Variants in CHAT observed in about 807,000 individuals in gnomAD.
The protein encoded by CHAT is choline O-acetyltransferase.
Under a neutral mutation model 76.9 loss-of-function variants are expected in CHAT, and 61 were observed. The ratio of observed to expected loss-of-function variants is 0.79; its 90% confidence interval spans 0.65 to 0.98. CHAT has a LOEUF of 0.98. CHAT is among the 50% of genes least tolerant of loss of function. CHAT has a pLI of 0.00. For missense variants in CHAT, 946 were observed against 986.9 expected (o/e 0.96, Z 0.56); for synonymous variants, 407 against 397.4 (o/e 1.02, Z -0.29).
chr10:49,631,965 T>C (rs1839138285), intron 7 of CHAT, among the ~76,000 whole-genome samples: 1 of 137,946 alleles, frequency 7.2e-6, no homozygotes. Context: ...TGATGGTTAT[T>C]GGGGGGGTAA....
At chr10:49,627,529 C>A in intron 6 of CHAT, 79 bp from the exon 7 acceptor site, 1 of 1,452,250 alleles carries the variant, frequency 6.9e-7, no homozygotes, top group South Asian at 1.1e-5. Flanking sequence ...CTGCCCCAAG[C>A]TTACCTGTGA....
intron 2 of CHAT, among the ~76,000 whole-genome samples, chr10:49,618,725 A>G (rs1486555234): frequency 6.6e-6 from 1 of 152,230 alleles, no homozygotes; most frequent in African/African-American, 2.4e-5. Context: ...GAGGCACAGC[A>G]TGCGTATAGA....
chr10:49,631,456 C>T (rs1473566499), intron 7 of CHAT, among the ~76,000 whole-genome samples: 1 of 152,212 alleles, frequency 6.6e-6, no homozygotes, highest in Non-Finnish European at 1.5e-5. Flanking sequence ...TTAAAGGTCC[C>T]ATCTCCAAAT....
intron 10 of CHAT, among the ~76,000 whole-genome samples, chr10:49,649,926 G>A (rs191436757): frequency 1.9e-4 from 26 of 136,946 alleles, no homozygotes; most frequent in African/African-American, 2.6e-4. Context: ...AGTCAAGGCC[G>A]GGAAATCATC....
upstream of CHAT, chr10:49,612,014 A>G: frequency 6.2e-7 from 1 of 1,613,678 alleles, no homozygotes; most frequent in Middle Eastern, 1.6e-4. Context: ...GCCATCGCCG[A>G]CATCTCCTAT....
upstream of CHAT, chr10:49,610,822 C>A (rs1245123688): frequency 1.2e-6 from 2 of 1,605,252 alleles, no homozygotes; most frequent in Non-Finnish European, 8.5e-7. Flanking sequence ...GCTGCAGGAG[C>A]CCCGGCGGCA....
intron 10 of CHAT, among the ~76,000 whole-genome samples, chr10:49,651,053 G>A (rs918749302): frequency 6.6e-6 from 1 of 152,076 alleles, no homozygotes; most frequent in Non-Finnish European, 1.5e-5. Context: ...CATGGATGGG[G>A]AAGAAGGAGG....
At chr10:49,643,209 G>C (rs141245650) in intron 7 of CHAT, among the ~76,000 whole-genome samples, 1 of 152,360 alleles carries the variant, frequency 6.6e-6, no homozygotes, top group Non-Finnish European at 1.5e-5. Context: ...CATAGTAGGT[G>C]CTCAACAAAG....
Position 49,664,982 on chromosome 10 carries a change from C to T in CHAT, c.2183C>T (p.Thr728Ile), listed in dbSNP as rs74334349. ...MRDLCSLLPP[T>I]ESKPLATKEK... ...GACCTCTGCAGTCTGCTGCCGCCTA[C>T]TGAGAGCAAGCCATTGGCAACAAAG... The change falls in exon 15 of 15, where the codon ACT becomes ATT. Residue 728 changes from threonine to isoleucine, a missense_variant. Thr to Ile is a moderately conservative substitution (Grantham distance 89). Around this residue, in one of 3 missense-constraint regions of CHAT, gnomAD observed 349 missense variants for 393.9 expected, o/e 0.89. Transcript: ENST00000337653. 2.4e-4 allele frequency: 386 copies of T among 1,614,250 alleles called. 4 individuals are homozygous for T. In the East Asian group the frequency reaches 8.5e-3, roughly 36 times the overall value.
rs1453496770 is a variant in CHAT, at chr10:49,665,789, C to A, written c.*743C>A. Among the ~76,000 whole-genome samples the A allele has an allele frequency of 6.6e-6, 1 of 152,118 alleles. No individual in the cohort carries two copies. The highest frequency in any genetic ancestry group is 1.5e-5 in the Non-Finnish European group (1 of 68,024). ...TTGCTGCCACTCTCTGCTTAGCAGG[C>A]GGCATCAGGGCCAGTCCAAGATGAG... On this transcript the variant is annotated 3_prime_UTR_variant, in exon 15 of 15. Coordinates refer to ENST00000337653, the MANE Select transcript of CHAT (RefSeq NM_020549.5).
At chr10:49,649,106 C>T (rs1451206858) in intron 9 of CHAT, among the ~76,000 whole-genome samples, 1 of 152,160 alleles carries the variant, frequency 6.6e-6, no homozygotes, top group Non-Finnish European at 1.5e-5. Context: ...TCCCTGCATC[C>T]AAGTCTTCAA....
At chr10:49,646,954 A>G in intron 8 of CHAT, 4 of 513,244 alleles carry the variant, frequency 7.8e-6, no homozygotes, top group Non-Finnish European at 1.4e-5. Context: ...AGCCTGTGCC[A>G]GGAAGGTCTG....
At chr10:49,634,476 G>C (rs781684768) in intron 7 of CHAT, among the ~76,000 whole-genome samples, 1 of 152,220 alleles carries the variant, frequency 6.6e-6, no homozygotes, top group Non-Finnish European at 1.5e-5. Context: ...CAGAGGCAGG[G>C]GCCCGTGGGC....
chr10:49,657,248 G>A (rs918850709), intron 13 of CHAT, among the ~76,000 whole-genome samples: 2 of 152,110 alleles, frequency 1.3e-5, no homozygotes, highest in African/African-American at 2.4e-5. Context: ...TCTCCTGAGG[G>A]GACAAGTGCT....
chr10:49,620,726 G>A (rs1381350379), intron 4 of CHAT, 113 bp downstream of exon 4: 1 of 837,840 alleles, frequency 1.2e-6, no homozygotes, highest in African/African-American at 1.7e-5. Flanking sequence ...AGCTTCCTGG[G>A]GTCAAATGCC....
upstream of CHAT, chr10:49,610,521 G>A (rs1228665432): frequency 6.7e-6 from 3 of 448,184 alleles, no homozygotes; most frequent in African/African-American, 4.1e-5. Flanking sequence ...CAGCAGCCGC[G>A]GGTCCCGGGA....
intron 4 of CHAT, 82 bp from the exon 5 acceptor site, chr10:49,622,015 A>T: frequency 1.4e-6 from 2 of 1,454,570 alleles, no homozygotes; most frequent in East Asian, 2.3e-5. Flanking sequence ...AGAGGGAAGG[A>T]GGGAGGGGAG....
At chr10:49,626,125 G>C (rs957509083) in intron 6 of CHAT, among the ~76,000 whole-genome samples, 1 of 152,174 alleles carries the variant, frequency 6.6e-6, no homozygotes, top group Non-Finnish European at 1.5e-5. Flanking sequence ...TGTGACAGTT[G>C]AGGACATGAG....
chr10:49,616,497 C>A lies in CHAT; in HGVS notation c.287-5C>A. ...TGTTGATGCTTCCCACTTCTTGGTC[C>A]CCAGGTCCACACCTCTGCATCCCTG... On this transcript the variant is annotated splice_region_variant and splice_polypyrimidine_tract_variant and intron_variant, in intron 1 of 14. Coordinates refer to ENST00000337653, the MANE Select transcript of CHAT (RefSeq NM_020549.5). The A allele has an allele frequency of 6.2e-7, 1 of 1,608,702 alleles. No homozygotes were observed. The highest frequency in any genetic ancestry group is 8.5e-7 in the Non-Finnish European group (1 of 1,176,982).
Sources: gnomAD v4.1 joint callset for allele counts (sites outside exome capture counted in the v4.1 genomes callset) on GRCh38, gnomAD v4.1.1 for gene constraint, gnomAD v4.1.1 regional missense constraint, MANE v1.5 for transcripts, NCBI Gene and HGNC (gene_info 2026-07-23, HGNC 2026-07-21) for gene names.